The following PCDHGB5 variants were observed in gnomAD, a reference collection of about 807,000 sequenced individuals.
PCDHGB5 encodes protocadherin gamma-B5.
PCDHGB5 carries 48 observed loss-of-function variants against 62.9 expected under a neutral mutation model. The observed-to-expected ratio is 0.76, with a 90% confidence interval of 0.61 to 0.97. The LOEUF is 0.97. PCDHGB5 is among the 50% of genes least tolerant of loss of function. PCDHGB5 has a pLI of 0.00. For missense variants in PCDHGB5, 1,118 were observed against 1,198.6 expected, an observed-to-expected ratio of 0.93 and a Z score of 0.99; for synonymous variants, 474 against 511.2, an observed-to-expected ratio of 0.93 and a Z score of 0.98.
intron 1 of PCDHGB5, chr5:141,404,892 A>G (rs2094580163): frequency 1.2e-6 from 2 of 1,613,880 alleles, no homozygotes; most frequent in African/African-American, 1.3e-5. Flanking sequence ...GTGGCTGTAC[A>G]GGACCATGGC....
intron 3 of PCDHGB5, 137 bp from the exon 4 acceptor site, chr5:141,510,810 A>T: frequency 6.6e-7 from 1 of 1,519,768 alleles, no homozygotes; most frequent in African/African-American, 1.4e-5. Context: ...TACCTTGGTG[A>T]CCCCTATATT....
intron 1 of PCDHGB5, chr5:141,412,359 A>G (rs2095550851): frequency 6.6e-6 from 1 of 152,226 alleles, no homozygotes; most frequent in Non-Finnish European, 1.5e-5. Flanking sequence ...GTTTGTGATT[A>G]CCTGCTTAAT....
intron 1 of PCDHGB5, among the ~76,000 whole-genome samples, chr5:141,482,652 G>C (rs1276348234): frequency 6.6e-6 from 1 of 152,074 alleles, no homozygotes; most frequent in African/African-American, 2.4e-5. Flanking sequence ...GGTGATGCTT[G>C]AGCTATGATC....
rs371490086 is a variant in PCDHGB5, at chr5:141,405,329, G to T, written c.2397+4805G>T. 3 of 1,614,168 alleles carry T rather than the reference G, an allele frequency of 1.9e-6. No individual in the cohort carries two copies. Among genetic ancestry groups the T allele is most frequent in the Non-Finnish European group, 2.5e-6 (3 of 1,180,010 alleles). On this transcript the variant is annotated intron_variant, in intron 1 of 3. Coordinates refer to ENST00000617380, the MANE Select transcript of PCDHGB5 (RefSeq NM_018925.3). The stretch of plus-strand genomic sequence containing the variant: ...CTGTGAGAAAAATGAGCCTTTGTGC[G>T]TCTCTGTTGATTCCAAGTTTCCTAT...
intron 1 of PCDHGB5, among the ~76,000 whole-genome samples, chr5:141,446,758 C>A (rs776925316): frequency 6.6e-6 from 1 of 152,326 alleles, no homozygotes; most frequent in Non-Finnish European, 1.5e-5. Flanking sequence ...TGAGCCACCG[C>A]GCCCAGCCGG....
chr5:141,409,130 G>T (rs1265386524), intron 1 of PCDHGB5: 1 of 1,613,994 alleles, frequency 6.2e-7, no homozygotes, highest in Admixed American at 1.7e-5. Context: ...ATTTGATTTT[G>T]AAGATGTAGA....
intron 1 of PCDHGB5, among the ~76,000 whole-genome samples, chr5:141,450,145 T>A (rs2098671113): frequency 6.6e-6 from 1 of 151,890 alleles, no homozygotes; most frequent in South Asian, 2.1e-4. Flanking sequence ...TAGCTGGGAC[T>A]ACAGGCATGT....
intron 1 of PCDHGB5, among the ~76,000 whole-genome samples, chr5:141,462,479 GGTT>G (rs1329069527): frequency 6.6e-6 from 1 of 151,838 alleles, no homozygotes; most frequent in Non-Finnish European, 1.5e-5. Flanking sequence ...TGCTTCTCGT[GGTT>G]GTTGTATCCT....
intron 3 of PCDHGB5, 89 bp from the exon 4 acceptor site, chr5:141,510,858 T>G: frequency 6.2e-7 from 1 of 1,606,182 alleles, no homozygotes; most frequent in Non-Finnish European, 8.5e-7. Context: ...GGGTGCTGTA[T>G]AGGCATTCAT....
Position 141,415,576 on chromosome 5 carries a change from T to C in PCDHGB5, c.2397+15052T>C, listed in dbSNP as rs182127695. 9.5e-5 allele frequency: 153 copies of C among 1,614,182 alleles called. No individual in the cohort carries two copies. The Admixed American group carries it at 1.6e-3, about 17-fold the overall frequency. Reference sequence around the variant, plus strand: ...CGATCCTTTGTCTTTGTTAGATGATTCGAAGTTTCCTATAGAGGATACCCC... The same window carrying C: ...CGATCCTTTGTCTTTGTTAGATGATCCGAAGTTTCCTATAGAGGATACCCC... On this transcript the variant is annotated intron_variant, in intron 1 of 3. Transcript: ENST00000617380.
chr5:141,487,783 G>T lies in PCDHGB5; in HGVS notation c.2398-7024G>T. The T allele has an allele frequency of 6.6e-7, 1 of 1,522,846 alleles. No homozygotes were observed. The allele number at this position is 1,522,846 out of a possible 1,614,324, so 94.3% of individuals were successfully genotyped here. ...ACGCTGTGCTTTGTAACTGTTTCGT[G>T]AATTAACCAGAGTTGTCACAGTTTA... is the stretch of plus-strand genomic sequence containing the variant. On this transcript the variant is annotated intron_variant, in intron 1 of 3. Transcript: ENST00000617380. The surrounding 1 kb of genome is among the most constrained non-coding windows in gnomAD (Gnocchi z 5.0).
At chr5:141,424,698 T>G (rs1214214315) in intron 1 of PCDHGB5, 1 of 152,228 alleles carries the variant, frequency 6.6e-6, no homozygotes, top group Non-Finnish European at 1.5e-5. Context: ...GCTATTTTTT[T>G]GTTCATTTTC....
At chr5:141,496,412 T>C (rs1322376676) in intron 2 of PCDHGB5, among the ~76,000 whole-genome samples, 1 of 152,180 alleles carries the variant, frequency 6.6e-6, no homozygotes, top group African/African-American at 2.4e-5. Context: ...GGTTGAGTAC[T>C]TGCTGTCCAC....
intron 1 of PCDHGB5, chr5:141,428,311 G>A: frequency 3.0e-6 from 2 of 671,726 alleles, no homozygotes; most frequent in Non-Finnish European, 5.3e-6. Context: ...CCTGGTCGTG[G>A]CCTTGGCCTT....
intron 1 of PCDHGB5, chr5:141,440,359 G>T (rs932656332): frequency 5.3e-5 from 8 of 152,106 alleles, no homozygotes; most frequent in Non-Finnish European, 1.2e-4. Context: ...CTAGCTACTC[G>T]GGGGGCCGAG....
At chr5:141,436,959 G>A (rs1385958934) in intron 1 of PCDHGB5, among the ~76,000 whole-genome samples, 1 of 152,120 alleles carries the variant, frequency 6.6e-6, no homozygotes, top group Non-Finnish European at 1.5e-5. Context: ...TCTAAACAAG[G>A]ATCTTGTGAA....
intron 2 of PCDHGB5, among the ~76,000 whole-genome samples, chr5:141,504,341 CTTTGTGCTAGGT>C (rs963088433): frequency 3.9e-5 from 6 of 152,020 alleles, no homozygotes; most frequent in African/African-American, 1.4e-4. Flanking sequence ...AAGTGCTAGG[CTTTGTGCTAGGT>C]GCTTCAGTAG....
At chr5:141,439,500 TTCTC>T (rs1399113868) in intron 1 of PCDHGB5, among the ~76,000 whole-genome samples, 9 of 152,246 alleles carry the variant, frequency 5.9e-5, no homozygotes, top group Admixed American at 2.0e-4. Context: ...AGAAACGTCT[TTCTC>T]TCTGCTCTCA....
intron 1 of PCDHGB5, among the ~76,000 whole-genome samples, chr5:141,455,580 T>C (rs572453788): frequency 6.6e-6 from 1 of 152,142 alleles, no homozygotes; most frequent in East Asian, 1.9e-4. Flanking sequence ...ACCCCAGCCT[T>C]TTAATATGCA....
Sources: allele counts gnomAD v4.1 joint callset (sites outside exome capture counted in the v4.1 genomes callset), GRCh38; gene constraint gnomAD v4.1.1; non-coding constraint Gnocchi (gnomAD v3.1); transcripts MANE v1.5; gene names NCBI Gene and HGNC (gene_info 2026-07-23, HGNC 2026-07-21).